Variants in ANKFY1 observed in about 807,000 individuals in gnomAD.
The protein encoded by ANKFY1 is ankyrin repeat and FYVE domain containing 1, also known as ankyrin repeat and FYVE domain-containing protein 1.
A neutral mutation model predicts 128.3 loss-of-function variants in ANKFY1; 47 were observed. The observed-to-expected ratio is 0.37, with a 90% confidence interval of 0.29 to 0.47. The LOEUF (loss-of-function observed/expected upper bound fraction) is 0.47, where lower values mean the gene tolerates loss of function less well. ANKFY1 is among the 20% of genes least tolerant of loss of function. The pLI is 1.00. For missense variants in ANKFY1, 1,222 were observed against 1,510.6 expected, an observed-to-expected ratio of 0.81 and a Z score of 3.17; for synonymous variants, 553 against 601.6, an observed-to-expected ratio of 0.92 and a Z score of 1.18.
rs2059519187 is a variant in ANKFY1, at chr17:4,181,667, G to A, written c.2122-295C>T. ...CTAGAAGGGACAGAAAACAGAAAGT[G>A]TCTGTGTACACATGCACCAACGGGT... On this transcript the variant is annotated intron_variant, in intron 15 of 24. Coordinates refer to ENST00000341657, the MANE Select transcript of ANKFY1 (RefSeq NM_001330063.2). This position sits in a 1 kb window ranked among gnomAD's most constrained non-coding sequence, Gnocchi z 4.9. Among the ~76,000 whole-genome samples, 1 of 152,176 alleles carries A rather than the reference G, an allele frequency of 6.6e-6. No homozygotes were observed. Among genetic ancestry groups the A allele is most frequent in the African/African-American group, 2.4e-5 (1 of 41,442 alleles).
intron 15 of ANKFY1, 72 bp downstream of exon 15, chr17:4,182,109 C>G: frequency 7.5e-7 from 1 of 1,332,518 alleles, no homozygotes; most frequent in East Asian, 2.7e-5. Flanking sequence ...GACAGCTACG[C>G]AGGCAGCAGA....
chr17:4,246,777 A>C (rs1027786885), intron 1 of ANKFY1, among the ~76,000 whole-genome samples: 1 of 152,210 alleles, frequency 6.6e-6, no homozygotes, highest in Non-Finnish European at 1.5e-5. Context: ...TTATGCATTA[A>C]GCATTTTGGC....
intron 5 of ANKFY1, among the ~76,000 whole-genome samples, chr17:4,208,449 C>T (rs897282127): frequency 6.6e-6 from 1 of 152,202 alleles, no homozygotes; most frequent in Non-Finnish European, 1.5e-5. Context: ...GGGAGCCTCA[C>T]ATGAGAGCAG....
At chr17:4,263,841 C>T in intron 1 of ANKFY1, 91 bp downstream of exon 1, 1 of 1,611,584 alleles carries the variant, frequency 6.2e-7, no homozygotes, top group Non-Finnish European at 8.5e-7. Flanking sequence ...TGCAACCACG[C>T]CCGGCCTTCC....
At chr17:4,201,488 T>G (rs1184829169) in intron 7 of ANKFY1, among the ~76,000 whole-genome samples, 1 of 9,870 alleles carries the variant, frequency 1.0e-4, no homozygotes, top group Non-Finnish European at 0.026. Flanking sequence ...GATTTTTTTT[T>G]TTTTTTTTTT....
chr17:4,190,324 C>G (rs184145863), intron 10 of ANKFY1, among the ~76,000 whole-genome samples: 2 of 152,150 alleles, frequency 1.3e-5, no homozygotes, highest in Non-Finnish European at 2.9e-5. Context: ...ACCTGTAATC[C>G]CAGCTACTCG....
At chr17:4,196,994 C>T (rs1445681799) in intron 8 of ANKFY1, among the ~76,000 whole-genome samples, 2 of 152,154 alleles carry the variant, frequency 1.3e-5, no homozygotes, top group Non-Finnish European at 2.9e-5. Context: ...TGGCGTGTGC[C>T]TGTAGTCTCA....
chr17:4,262,200 T>C (rs1007787697), intron 1 of ANKFY1, among the ~76,000 whole-genome samples: 2 of 152,162 alleles, frequency 1.3e-5, no homozygotes, highest in African/African-American at 4.8e-5. Context: ...TCGCCCAGGC[T>C]GGTGCAGTTC....
chr17:4,259,600 T>C (rs1026505344), intron 1 of ANKFY1, among the ~76,000 whole-genome samples: 10 of 152,230 alleles, frequency 6.6e-5, no homozygotes, highest in African/African-American at 2.4e-4. Context: ...TGTATTTTAG[T>C]TGCTAAAACA....
rs779521121 is a variant in ANKFY1 at position 4,173,337 on chromosome 17, G to C, written c.3014+17C>G. ...AGGCCAGGCGCCGCGGGGCCTACTCGGGCCCAACGCGCTCACCTGAGATTA... is the reference window on the plus strand; with the variant it reads ...AGGCCAGGCGCCGCGGGGCCTACTCCGGCCCAACGCGCTCACCTGAGATTA... On this transcript the variant is annotated intron_variant, in intron 21 of 24. Coordinates refer to ENST00000341657, the MANE Select transcript of ANKFY1 (RefSeq NM_001330063.2). 1 of 1,611,468 alleles carries C rather than the reference G, an allele frequency of 6.2e-7. No individual in the cohort carries two copies. The highest frequency in any genetic ancestry group is 1.3e-5 in the African/African-American group (1 of 74,866).
Position 4,184,845 on chromosome 17 carries a change from C to T in ANKFY1, c.1672G>A (p.Val558Met), listed in dbSNP as rs1399210248. 1 of 1,613,746 alleles carries T rather than the reference C, an allele frequency of 6.2e-7. No homozygotes were observed. Among genetic ancestry groups the T allele is most frequent in the Non-Finnish European group, 8.5e-7 (1 of 1,180,042 alleles). Residue 558 changes from valine to methionine, a missense_variant, in exon 12 of 25, where the codon GTG becomes ATG. By Grantham distance (21) the Val-to-Met change is conservative (BLOSUM62 1). Transcript: ENST00000341657. ...HMAIAYNHPD[V>M]VSVILEQKAN... ...TTCTGCTCCAGGATGACAGACACCACATCCGGATGGTTATAGGCGATCGCC... is the reference window on the plus strand; with the variant it reads ...TTCTGCTCCAGGATGACAGACACCATATCCGGATGGTTATAGGCGATCGCC...
At chr17:4,261,760 T>G (rs1968430451) in intron 1 of ANKFY1, among the ~76,000 whole-genome samples, 1 of 152,140 alleles carries the variant, frequency 6.6e-6, no homozygotes, top group Non-Finnish European at 1.5e-5. Context: ...AATCTCAACC[T>G]TGCTAATGTA....
intron 7 of ANKFY1, among the ~76,000 whole-genome samples, chr17:4,201,924 C>G (rs1019778381): frequency 7.2e-5 from 11 of 152,100 alleles, no homozygotes; most frequent in African/African-American, 2.4e-4. Context: ...GTAAAGACAA[C>G]AATATATTAG....
At chr17:4,172,494 T>C in intron 22 of ANKFY1, 62 bp downstream of exon 22, 4 of 1,583,720 alleles carry the variant, frequency 2.5e-6, no homozygotes, top group Non-Finnish European at 3.4e-6. Flanking sequence ...GCCTGGGCTC[T>C]TGCTTTTCCA....
chr17:4,206,474 G>C lies in ANKFY1; in HGVS notation c.745C>G (p.Leu249Val), dbSNP rs1421538292. The change falls in exon 7 of 25, where the codon CTG becomes GTG. Residue 249 changes from leucine to valine, a missense_variant. Leu to Val is a conservative substitution (Grantham distance 32). Transcript: ENST00000341657. ...IEMDSQLPGK[L>V]NEADHNGDLA... ...TCTCCGTTATGATCCGCTTCATTCAGCTTCCCAGGGAGCTACACAAACAAG... is the reference window on the plus strand; with the variant it reads ...TCTCCGTTATGATCCGCTTCATTCACCTTCCCAGGGAGCTACACAAACAAG... The C allele has an allele frequency of 1.2e-6, 2 of 1,612,084 alleles. No homozygotes were observed. Among genetic ancestry groups the C allele is most frequent in the Non-Finnish European group, 1.7e-6 (2 of 1,178,324 alleles).
chr17:4,230,109 A>T (rs956046635), intron 3 of ANKFY1, among the ~76,000 whole-genome samples: 2 of 152,202 alleles, frequency 1.3e-5, no homozygotes, highest in Non-Finnish European at 2.9e-5. Context: ...CAGATGTTGA[A>T]TATTGCTGTG....
intron 1 of ANKFY1, among the ~76,000 whole-genome samples, chr17:4,242,764 T>C (rs141554053): frequency 6.6e-6 from 1 of 152,356 alleles, no homozygotes; most frequent in East Asian, 1.9e-4. Context: ...AGAATGGCTT[T>C]GTTTCAGGGT....
intron 1 of ANKFY1, among the ~76,000 whole-genome samples, chr17:4,249,572 A>T (rs181726616): frequency 6.6e-6 from 1 of 152,320 alleles, no homozygotes; most frequent in Non-Finnish European, 1.5e-5. Context: ...GAACGTTAAA[A>T]TGACAGCCAG....
At chr17:4,177,978 C>G (rs1268866316) in intron 18 of ANKFY1, 2 of 152,534 alleles carry the variant, frequency 1.3e-5, no homozygotes, top group Non-Finnish European at 2.9e-5. Context: ...ACACGGCACG[C>G]CGCTTCACAG....
Sources: gnomAD v4.1 joint callset for allele counts (sites outside exome capture counted in the v4.1 genomes callset) on GRCh38, gnomAD v4.1.1 for gene constraint, Gnocchi (gnomAD v3.1) non-coding constraint, MANE v1.5 for transcripts, NCBI Gene and HGNC (gene_info 2026-07-23, HGNC 2026-07-21) for gene names.